WDR41: variants seen among roughly 807,000 people sequenced by gnomAD.
WDR41 encodes the protein WD repeat-containing protein 41.
A neutral mutation model predicts 69.3 loss-of-function variants in WDR41; 63 were observed. The observed-to-expected ratio is 0.91, with a 90% CI of 0.74 to 1.12. WDR41 has a LOEUF of 1.12. WDR41 is among the 50% of genes most tolerant of loss of function. The probability of loss-of-function intolerance (pLI) is 0.00; values close to 1 mark genes in which losing one functional copy is unlikely to be tolerated. For missense variants in WDR41, 543 were observed against 534.5 expected, an observed-to-expected ratio of 1.02 and a Z score of -0.16; for synonymous variants, 185 against 192.1, an observed-to-expected ratio of 0.96 and a Z score of 0.31.
intron 1 of WDR41, among the ~76,000 whole-genome samples, chr5:77,607,190 G>A (rs774180313): frequency 6.6e-6 from 1 of 152,100 alleles, no homozygotes; most frequent in Admixed American, 6.6e-5. Flanking sequence ...TAGATAAAAA[G>A]TTCATATGGA....
At chr5:77,554,114 A>C (rs1417383048) in intron 1 of WDR41, among the ~76,000 whole-genome samples, 9 of 152,240 alleles carry the variant, frequency 5.9e-5, no homozygotes, top group Admixed American at 5.2e-4. Flanking sequence ...CGGTTGATAC[A>C]TATGACTTGG....
At chr5:77,604,505 A>G (rs929763728) in intron 1 of WDR41, among the ~76,000 whole-genome samples, 6 of 152,330 alleles carry the variant, frequency 3.9e-5, no homozygotes, top group Admixed American at 3.9e-4. Context: ...TGGCATTCTC[A>G]TAAATTGCTA....
At chr5:77,605,328 G>T (rs1293186291) in intron 1 of WDR41, among the ~76,000 whole-genome samples, 1 of 152,118 alleles carries the variant, frequency 6.6e-6, no homozygotes, top group East Asian at 1.9e-4. Context: ...CATGCCCAAG[G>T]ATTCTCACCA....
At chr5:77,595,254 C>T (rs148452968) in intron 1 of WDR41, among the ~76,000 whole-genome samples, 345 of 152,196 alleles carry the variant, frequency 2.3e-3, no homozygotes, top group African/African-American at 7.7e-3. Context: ...GTATAGAGTG[C>T]GTGACCAATA....
At chr5:77,508,938 G>C (rs748012983) in intron 1 of WDR41, among the ~76,000 whole-genome samples, 1 of 151,868 alleles carries the variant, frequency 6.6e-6, no homozygotes, top group African/African-American at 2.4e-5. Context: ...CCTTTTTTTG[G>C]TCTCCATTAA....
rs112255601 is a variant in WDR41 at position 77,525,615 on chromosome 5, T to C, written c.43-36043A>G. Among the ~76,000 whole-genome samples the C allele has an allele frequency of 3.1e-3, 466 of 152,298 alleles. 2 individuals are homozygous for C. Among genetic ancestry groups the C allele is most frequent in the African/African-American group, 0.01 (428 of 41,562 alleles). On this transcript the variant is annotated intron_variant, in intron 1 of 5. Transcript: ENST00000509971. ...AGGGAAGATCTAGACTTTTGATCCCTCAGCCCTCTTCCTTCACCTTGCAGG... is the reference window on the plus strand; with the variant it reads ...AGGGAAGATCTAGACTTTTGATCCCCCAGCCCTCTTCCTTCACCTTGCAGG...
intron 1 of WDR41, among the ~76,000 whole-genome samples, chr5:77,610,982 C>T (rs1306654217): frequency 2.0e-5 from 3 of 151,774 alleles, no homozygotes; most frequent in African/African-American, 7.3e-5. Flanking sequence ...AACTGGAAAG[C>T]AAAAAAAGGC....
intron 1 of WDR41, among the ~76,000 whole-genome samples, chr5:77,532,470 T>G (rs1474382777): frequency 2.0e-5 from 3 of 152,080 alleles, no homozygotes; most frequent in Admixed American, 1.3e-4. Context: ...CATAAACGAG[T>G]GTACATGAGC....
intron 1 of WDR41, among the ~76,000 whole-genome samples, chr5:77,561,366 T>C (rs1743520724): frequency 6.6e-6 from 1 of 152,210 alleles, no homozygotes; most frequent in African/African-American, 2.4e-5. Flanking sequence ...ATCCAACACT[T>C]CTTATTAACC....
intron 1 of WDR41, among the ~76,000 whole-genome samples, chr5:77,498,822 A>C (rs889731067): frequency 6.6e-6 from 1 of 151,210 alleles, no homozygotes; most frequent in Non-Finnish European, 1.5e-5. Flanking sequence ...CCATCAAAAA[A>C]AAAAAAAGAA....
intron 1 of WDR41, among the ~76,000 whole-genome samples, chr5:77,490,209 C>T (rs946909527): frequency 6.6e-6 from 1 of 152,098 alleles, no homozygotes; most frequent in African/African-American, 2.4e-5. Context: ...AGTGATTCGC[C>T]CGCCTCGGCC....
At chr5:77,436,161 T>G in intron 12 of WDR41, 100 bp downstream of exon 12, 1 of 1,448,562 alleles carries the variant, frequency 6.9e-7, no homozygotes, top group Non-Finnish European at 9.2e-7. Context: ...CCTACAGATA[T>G]AAGAAAAAGT....
At chr5:77,573,752 G>A (rs1479194453) in intron 1 of WDR41, among the ~76,000 whole-genome samples, 1 of 152,176 alleles carries the variant, frequency 6.6e-6, no homozygotes, top group Non-Finnish European at 1.5e-5. Context: ...GACAGAACTA[G>A]ATGTGGTCTA....
intron 1 of WDR41, among the ~76,000 whole-genome samples, chr5:77,548,446 T>C (rs1028091307): frequency 2.0e-5 from 3 of 151,580 alleles, no homozygotes; most frequent in Non-Finnish European, 4.4e-5. Flanking sequence ...AAAAAAACAA[T>C]CTCATCAAAA....
intron 2 of WDR41, among the ~76,000 whole-genome samples, chr5:77,466,382 T>C (rs1800304798): frequency 6.6e-6 from 1 of 151,922 alleles, no homozygotes; most frequent in Admixed American, 6.6e-5. Context: ...TCTGGGCCTA[T>C]TGATTTCTTT....
intron 1 of WDR41, among the ~76,000 whole-genome samples, chr5:77,614,815 A>T (rs1420865258): frequency 6.6e-6 from 1 of 151,984 alleles, no homozygotes; most frequent in African/African-American, 2.4e-5. Flanking sequence ...AAAATAAAAA[A>T]AAAGAAATGT....
chr5:77,503,684 C>G (rs530084172), intron 1 of WDR41, among the ~76,000 whole-genome samples: 9 of 152,260 alleles, frequency 5.9e-5, no homozygotes, highest in African/African-American at 2.2e-4. Flanking sequence ...GTCTCTCAGA[C>G]CACAGTGCAA....
intron 1 of WDR41, among the ~76,000 whole-genome samples, chr5:77,506,479 C>T (rs1180409945): frequency 2.0e-5 from 3 of 152,096 alleles, no homozygotes; most frequent in Admixed American, 6.5e-5. Flanking sequence ...GACAGTGTGG[C>T]GATTCCTCAA....
At chr5:77,492,322 G>T, upstream of WDR41, 1 of 1,473,142 alleles carries the variant, frequency 6.8e-7, no homozygotes, top group Non-Finnish European at 9.3e-7. Context: ...CAACTGAGAC[G>T]CTAATACTTC....
Sources: allele counts gnomAD v4.1 joint callset (sites outside exome capture counted in the v4.1 genomes callset), GRCh38; gene constraint gnomAD v4.1.1; transcripts MANE v1.5; gene names NCBI Gene and HGNC (gene_info 2026-07-23, HGNC 2026-07-21).